Variants in GLIS3 observed in about 807,000 individuals in gnomAD.
GLIS3 encodes GLIS family zinc finger 3.
Under a neutral mutation model 78.6 loss-of-function variants are expected in GLIS3, and 53 were observed. The ratio of observed to expected loss-of-function variants is 0.67; its 90% CI spans 0.54 to 0.85. The LOEUF is 0.85. Ranked by LOEUF, GLIS3 falls within the 40% of genes least tolerant of loss-of-function variation. The pLI, the probability that GLIS3 is intolerant of heterozygous loss-of-function variation, is 0.00. For missense variants in GLIS3, 1,703 were observed against 1,231.1 expected (o/e 1.38, Z -5.74); for synonymous variants, 684 against 509.9 (o/e 1.34, Z -4.60).
At chr9:4,194,022 C>A (rs1343808701) in intron 2 of GLIS3, among the ~76,000 whole-genome samples, 1 of 152,216 alleles carries the variant, frequency 6.6e-6, no homozygotes, top group African/African-American at 2.4e-5. Context: ...ATGTTTATTA[C>A]ATTTTGGCCT....
At chr9:4,221,195 G>C (rs1821303216) in intron 2 of GLIS3, among the ~76,000 whole-genome samples, 1 of 152,114 alleles carries the variant, frequency 6.6e-6, no homozygotes, top group Non-Finnish European at 1.5e-5. Flanking sequence ...AAAAACTCTT[G>C]TCATTTTTGA....
At chr9:4,483,710 G>A in the GLIS3 span, among the ~76,000 whole-genome samples, 1 of 144,394 alleles carries the variant, frequency 6.9e-6, no homozygotes, top group South Asian at 2.2e-4. Context: ...ACACGAGTGA[G>A]ACTTCGTCTT....
chr9:4,442,419 C>A, the GLIS3 span, among the ~76,000 whole-genome samples: 58 of 151,992 alleles, frequency 3.8e-4, no homozygotes, highest in Non-Finnish European at 1.5e-4. Context: ...CCCTCCCCAC[C>A]CCCTAAAGAA....
chr9:4,009,440 C>T (rs955905979), intron 4 of GLIS3, among the ~76,000 whole-genome samples: 7 of 152,154 alleles, frequency 4.6e-5, no homozygotes, highest in Non-Finnish European at 1.0e-4. Flanking sequence ...TGCTGGCCAG[C>T]AAGGTGCAGC....
At chr9:4,285,884 C>G in intron 2 of GLIS3, 154 bp downstream of exon 2, 3 of 901,026 alleles carry the variant, frequency 3.3e-6, no homozygotes, top group Non-Finnish European at 5.3e-6. Context: ...CACACCCATT[C>G]CCTTACTGAG....
At chr9:4,375,539 T>C in the GLIS3 span, among the ~76,000 whole-genome samples, 1 of 152,198 alleles carries the variant, frequency 6.6e-6, no homozygotes, top group Non-Finnish European at 1.5e-5. Flanking sequence ...GGTTGTGCAA[T>C]GGTACCATCT....
chr9:4,040,113 C>T (rs1048403253), intron 4 of GLIS3, among the ~76,000 whole-genome samples: 13 of 152,132 alleles, frequency 8.5e-5, no homozygotes, highest in African/African-American at 2.9e-4. Context: ...AGTCCTGGTA[C>T]TTAACTGGCC....
chr9:4,314,428 C>A (rs570349603), intron 2 of GLIS3, among the ~76,000 whole-genome samples: 1 of 152,300 alleles, frequency 6.6e-6, no homozygotes, highest in South Asian at 2.1e-4. Flanking sequence ...GATGCATGCA[C>A]ACAATATGTT....
intron 4 of GLIS3, among the ~76,000 whole-genome samples, chr9:3,962,738 C>G (rs2182634): frequency 0.17 from 26,117 of 151,900 alleles, 2,750 homozygotes; most frequent in East Asian, 0.54. Flanking sequence ...TCATGGGAGT[C>G]ACAGATTCAG....
chr9:4,075,320 G>C (rs1827951131), intron 4 of GLIS3, among the ~76,000 whole-genome samples: 1 of 151,684 alleles, frequency 6.6e-6, no homozygotes, highest in Non-Finnish European at 1.5e-5. Flanking sequence ...TATAATCCCA[G>C]CACTTTGGGA....
chr9:4,408,173 A>G, the GLIS3 span, among the ~76,000 whole-genome samples: 1 of 152,294 alleles, frequency 6.6e-6, no homozygotes, highest in African/African-American at 2.4e-5. Flanking sequence ...GTGGGAATGT[A>G]AATTAGTACA....
chr9:4,332,430 T>TG (rs1817699786), intron 2 of GLIS3, among the ~76,000 whole-genome samples: 1 of 152,208 alleles, frequency 6.6e-6, no homozygotes, highest in Non-Finnish European at 1.5e-5. Flanking sequence ...TCCTTATAGC[T>TG]GAGTATGGCC....
chr9:4,440,131 G>C, the GLIS3 span, among the ~76,000 whole-genome samples: 1 of 152,094 alleles, frequency 6.6e-6, no homozygotes, highest in Non-Finnish European at 1.5e-5. Flanking sequence ...TTTTCTTCCA[G>C]TCTATAAGTT....
chr9:4,095,854 C>T (rs368961677), intron 4 of GLIS3, among the ~76,000 whole-genome samples: 48 of 152,246 alleles, frequency 3.2e-4, no homozygotes, highest in African/African-American at 1.1e-3. Context: ...GTATTATTCT[C>T]TTTTTACAGG....
the GLIS3 span, among the ~76,000 whole-genome samples, chr9:4,458,600 C>T: frequency 6.6e-6 from 1 of 152,030 alleles, no homozygotes; most frequent in Non-Finnish European, 1.5e-5. Context: ...CCAGCCTGGC[C>T]AACATAGTGA....
chr9:4,077,819 C>T (rs1255744572), intron 4 of GLIS3, among the ~76,000 whole-genome samples: 10 of 152,146 alleles, frequency 6.6e-5, no homozygotes, highest in Non-Finnish European at 1.5e-4. Context: ...GCCAACACTC[C>T]CAGAACCAGC....
At chr9:4,047,229 A>C in intron 4 of GLIS3, among the ~76,000 whole-genome samples, 1 of 152,198 alleles carries the variant, frequency 6.6e-6, no homozygotes, top group Non-Finnish European at 1.5e-5. Context: ...GCCACCAGCT[A>C]AGACGTGACT....
chr9:4,397,758 G>T, the GLIS3 span, among the ~76,000 whole-genome samples: 2 of 148,748 alleles, frequency 1.3e-5, no homozygotes, highest in African/African-American at 5.1e-5. Flanking sequence ...GAGGAAAGGA[G>T]AGGAGAGGAA....
chr9:4,313,684 G>C (rs1817397860), intron 2 of GLIS3, among the ~76,000 whole-genome samples: 2 of 152,152 alleles, frequency 1.3e-5, no homozygotes, highest in Non-Finnish European at 2.9e-5. Context: ...AACACACCTT[G>C]AGTTTTACCT....
Sources: allele counts gnomAD v4.1 joint callset (sites outside exome capture counted in the v4.1 genomes callset), GRCh38; gene constraint gnomAD v4.1.1; transcripts MANE v1.5; gene names NCBI Gene and HGNC (gene_info 2026-07-23, HGNC 2026-07-21).